Variants in LYST observed in about 807,000 individuals in gnomAD.
LYST encodes lysosomal trafficking regulator.
Under a neutral mutation model 413.6 loss-of-function variants are expected in LYST, and 192 were observed. That is an observed-to-expected ratio of 0.46 (90% CI 0.41 to 0.52). The LOEUF (loss-of-function observed/expected upper bound fraction) is 0.52, where lower values mean the gene tolerates loss of function less well. Among genes scored for constraint, LYST ranks in the 20% least tolerant of loss-of-function variants. LYST has a pLI of 0.00. For synonymous variants in LYST, 1,525 were observed against 1,567.3 expected, an observed-to-expected ratio of 0.97 and a Z score of 0.64; for missense variants, 3,815 against 4,499.9, an observed-to-expected ratio of 0.85 and a Z score of 4.35.
Position 235,724,104 on chromosome 1 carries a change from C to G in LYST, c.9239G>C (p.Trp3080Ser). 3 of 1,613,394 alleles carry G rather than the reference C, an allele frequency of 1.9e-6. No individual in the cohort carries two copies. Among genetic ancestry groups the G allele is most frequent in the Non-Finnish European group, 2.5e-6 (3 of 1,179,366 alleles). ...TTCTACAGCATTATCTCTCAATTGC[C>G]ACCAACGCTTGTGAACTTCTTTAAT... ...EEIKEVHKRW[W>S]QLRDNAVEIF... is the part of the protein sequence containing the mutation. The change falls in exon 39 of 53, where the codon TGG (tryptophan) becomes TCG (serine). Residue 3080 changes from tryptophan to serine, a missense_variant. By Grantham distance (177) the Trp-to-Ser change is radical (BLOSUM62 -3). Coordinates refer to ENST00000389793, the MANE Select transcript of LYST (RefSeq NM_000081.4).
intron 39 of LYST, among the ~76,000 whole-genome samples, chr1:235,721,554 T>C (rs1266852308): frequency 3.9e-5 from 6 of 152,036 alleles, no homozygotes; most frequent in Admixed American, 3.3e-4. Flanking sequence ...AAAACAGATA[T>C]GAAATACCCA....
chr1:235,665,335 C>T (rs989390093), intron 50 of LYST, among the ~76,000 whole-genome samples: 2 of 151,878 alleles, frequency 1.3e-5, no homozygotes, highest in Non-Finnish European at 2.9e-5. Flanking sequence ...CTTGGCCAGG[C>T]GTGGTGCCTC....
At chr1:235,827,072 T>C (rs1337165880) in intron 3 of LYST, among the ~76,000 whole-genome samples, 4 of 152,106 alleles carry the variant, frequency 2.6e-5, no homozygotes, top group Non-Finnish European at 5.9e-5. Flanking sequence ...ATATTAAATG[T>C]CTATTAATAA....
In LYST at chr1:235,777,896, T is replaced by C. The variant is rs185050073; in HGVS notation, c.5215-588A>G. Among the ~76,000 whole-genome samples the C allele has an allele frequency of 2.0e-4, 30 of 152,030 alleles. 1 individual carries two copies. Among genetic ancestry groups the C allele is most frequent in the Admixed American group, 1.9e-3 (29 of 15,274 alleles). On this transcript the variant is annotated intron_variant, in intron 16 of 52. Transcript: ENST00000389793. ...CCTGTCAAGATTCTCTAAACTATTT[T>C]AAAAATTAAAGTTAATTTTAAATAC...
chr1:235,778,017 G>A (rs1669457406), intron 16 of LYST, among the ~76,000 whole-genome samples: 1 of 150,208 alleles, frequency 6.7e-6, no homozygotes, highest in Non-Finnish European at 1.5e-5. Context: ...TGAACTCCTA[G>A]GCTCAAGGGA....
intron 1 of LYST, chr1:235,839,812 AAAATAAAATG>A (rs987046152): frequency 4.6e-5 from 7 of 152,010 alleles, no homozygotes; most frequent in Non-Finnish European, 1.0e-4. Context: ...CTCAAAAAAT[AAAATAAAATG>A]AAATAAAATA....
rs970162074 is a variant in LYST at position 235,722,463 on chromosome 1, T to TA, written c.9316-1559dup. Among the ~76,000 whole-genome samples, 10 of 152,184 alleles carry TA rather than the reference T, an allele frequency of 6.6e-5. 1 individual carries two copies. The highest frequency in any genetic ancestry group is 6.5e-4 in the Admixed American group (10 of 15,278). On this transcript the variant is annotated intron_variant, in intron 39 of 52. Coordinates refer to ENST00000389793, the MANE Select transcript of LYST (RefSeq NM_000081.4). ...CAAAGTCATTGTAGCTGAAAGTCAC[T>TA]ACAGCACTGAGCAAGTTTTTTGTTT...
At position 235,845,962 on chromosome 1, in the gene LYST, G is replaced by A. The variant is rs75311165; in HGVS notation, c.-97-12295C>T. Among the ~76,000 whole-genome samples the A allele has an allele frequency of 7.2e-3, 1,085 of 151,212 alleles. 12 individuals are homozygous for A. Among genetic ancestry groups the A allele is most frequent in the African/African-American group, 0.024 (1,005 of 41,080 alleles). On this transcript the variant is annotated intron_variant, in intron 1 of 52. Transcript: ENST00000389793. ...TGGGAGTTCTAGGGCCCTGCCCACC[G>A]CATATCTTTCTCTGTACTACTACAG... is the stretch of plus-strand genomic sequence containing the variant.
intron 47 of LYST, among the ~76,000 whole-genome samples, chr1:235,689,498 T>C (rs536849480): frequency 1.3e-5 from 2 of 152,260 alleles, no homozygotes; most frequent in Non-Finnish European, 2.9e-5. Context: ...GTGCTGGTAA[T>C]GTGTGTGGAA....
In LYST at chr1:235,702,873, G is replaced by A; in HGVS notation, c.10248C>T (p.His3416=). ...CTCCAGGTCTGCTCACATGGGCCAT[G>A]TGGAACAGCTGACGGGGAGTCTGCC... ...TYGQTPRQLF[H]MAHVSRPGAK... The change falls in exon 45 of 53, where the codon CAC becomes CAT. Residue 3416 remains histidine, a synonymous_variant. Coordinates refer to ENST00000389793, the MANE Select transcript of LYST (RefSeq NM_000081.4). The A allele has an allele frequency of 6.2e-7, 1 of 1,614,220 alleles. No homozygotes were observed. Among genetic ancestry groups the A allele is most frequent in the Non-Finnish European group, 8.5e-7 (1 of 1,180,020 alleles).
At chr1:235,665,462 A>G (rs1658355610) in intron 50 of LYST, among the ~76,000 whole-genome samples, 2 of 151,882 alleles carry the variant, frequency 1.3e-5, no homozygotes, top group Admixed American at 6.5e-5. Context: ...ATACAAAAAA[A>G]TTAGCCAGGG....
intron 3 of LYST, among the ~76,000 whole-genome samples, chr1:235,826,574 T>C (rs576466734): frequency 3.4e-4 from 52 of 152,076 alleles, no homozygotes; most frequent in Middle Eastern, 3.4e-3. Flanking sequence ...TTGCAGTGAG[T>C]GAAGGGGAGG....
At chr1:235,722,402 G>T (rs1331499482) in intron 39 of LYST, among the ~76,000 whole-genome samples, 2 of 152,204 alleles carry the variant, frequency 1.3e-5, no homozygotes, top group Non-Finnish European at 1.5e-5. Flanking sequence ...GCAGAGAAAT[G>T]GTAGTGAAGG....
chr1:235,747,782 A>G (rs1666071934), intron 28 of LYST, among the ~76,000 whole-genome samples: 1 of 152,238 alleles, frequency 6.6e-6, no homozygotes, highest in African/African-American at 2.4e-5. Flanking sequence ...CACTCCTGCT[A>G]TGAAGCCACA....
intron 1 of LYST, among the ~76,000 whole-genome samples, chr1:235,837,375 C>T (rs1676684041): frequency 6.6e-6 from 1 of 152,102 alleles, no homozygotes; most frequent in Admixed American, 6.5e-5. Flanking sequence ...AGCCTGTAAT[C>T]AGAGCACTTT....
At chr1:235,762,937 A>G (rs1409992794) in intron 21 of LYST, 86 bp from the exon 22 acceptor site, 1 of 990,988 alleles carries the variant, frequency 1.0e-6, no homozygotes, top group Non-Finnish European at 1.6e-6. Context: ...CATTAAATTC[A>G]AATTTTGACA....
At chr1:235,880,300 A>G (rs1337601404) in intron 1 of LYST, among the ~76,000 whole-genome samples, 1 of 152,218 alleles carries the variant, frequency 6.6e-6, no homozygotes, top group East Asian at 1.9e-4. Context: ...CTTGCCTTAT[A>G]CTGCCTTCCC....
chr1:235,765,938 T>A, intron 21 of LYST, 141 bp downstream of exon 21: 1 of 744,504 alleles, frequency 1.3e-6, no homozygotes, highest in Non-Finnish European at 2.4e-6. Context: ...GTTCATTCTA[T>A]AACTCTCTGC....
upstream of LYST, among the ~76,000 whole-genome samples, chr1:235,868,634 G>A (rs1403453512): frequency 6.6e-6 from 1 of 152,160 alleles, no homozygotes; most frequent in Non-Finnish European, 1.5e-5. Flanking sequence ...AGTATTATTT[G>A]TTTGTAAAAG....
Sources: allele counts gnomAD v4.1 joint callset (sites outside exome capture counted in the v4.1 genomes callset), GRCh38; gene constraint gnomAD v4.1.1; transcripts MANE v1.5; gene names NCBI Gene and HGNC (gene_info 2026-07-23, HGNC 2026-07-21).